Variants in YIPF7 observed in about 807,000 individuals in gnomAD.
The protein encoded by YIPF7 is Yip1 domain family member 7.
A neutral mutation model predicts 27.2 loss-of-function variants in YIPF7; 35 were observed. The observed-to-expected ratio is 1.29, with a 90% confidence interval of 0.98 to 1.70. The LOEUF is 1.70. Ranked by LOEUF, YIPF7 falls within the 40% of genes most tolerant of loss-of-function variation. The pLI is 0.00. For synonymous variants in YIPF7, 137 were observed against 110.4 expected, an observed-to-expected ratio of 1.24 and a Z score of -1.51; for missense variants, 358 against 303.7, an observed-to-expected ratio of 1.18 and a Z score of -1.33.
At chr4:44,652,146 G>A (rs1160904130), upstream of YIPF7, among the ~76,000 whole-genome samples, 1 of 152,132 alleles carries the variant, frequency 6.6e-6, no homozygotes, top group Non-Finnish European at 1.5e-5. Flanking sequence ...ATGCTAATGG[G>A]ATCTAGTGCT....
chr4:44,638,034 C>A (rs1244516633), intron 2 of YIPF7, among the ~76,000 whole-genome samples: 1 of 152,000 alleles, frequency 6.6e-6, no homozygotes, highest in Non-Finnish European at 1.5e-5. Context: ...GGGGTAAGGA[C>A]ATAAACAGAC....
upstream of YIPF7, among the ~76,000 whole-genome samples, chr4:44,654,437 C>T (rs1384279822): frequency 6.6e-6 from 1 of 151,782 alleles, no homozygotes; most frequent in African/African-American, 2.4e-5. Context: ...TTCTCGTTTT[C>T]TTTTCTCTCC....
chr4:44,637,053 C>T (rs1244240246), intron 2 of YIPF7, among the ~76,000 whole-genome samples: 1 of 152,074 alleles, frequency 6.6e-6, no homozygotes, highest in Non-Finnish European at 1.5e-5. Flanking sequence ...TTTCCATTTC[C>T]ATCTATATTG....
At chr4:44,653,379 A>C (rs1002658252), upstream of YIPF7, among the ~76,000 whole-genome samples, 3 of 152,086 alleles carry the variant, frequency 2.0e-5, no homozygotes, top group Non-Finnish European at 2.9e-5. Context: ...TTAGGAAGAG[A>C]AAGTTACAAT....
chr4:44,655,244 A>T (rs533515225), upstream of YIPF7, among the ~76,000 whole-genome samples: 2 of 152,160 alleles, frequency 1.3e-5, no homozygotes, highest in African/African-American at 4.8e-5. Flanking sequence ...ATTTTAGTTG[A>T]TGTCTATTAA....
At chr4:44,639,498 T>A (rs1713251124) in intron 2 of YIPF7, among the ~76,000 whole-genome samples, 1 of 152,318 alleles carries the variant, frequency 6.6e-6, no homozygotes, top group South Asian at 2.1e-4. Context: ...TAGACAGTTA[T>A]TGCTGTATAG....
rs1024644307 is a variant in YIPF7, at chr4:44,649,960, A to G, written c.116+25T>C. The G allele has an allele frequency of 5.0e-5, 66 of 1,320,300 alleles. No individual in the cohort carries two copies. The East Asian group carries it at 1.1e-3, about 22-fold the overall frequency. 81.8% of individuals were successfully genotyped at this position (1,320,300 alleles called of 1,614,324 possible). Reference sequence around the variant, plus strand: ...CAGAGTGAGACTCTGTCAAAAAAAAAAAAAGAAAAATATTAAGTACTTACT... The same window carrying G: ...CAGAGTGAGACTCTGTCAAAAAAAAGAAAAGAAAAATATTAAGTACTTACT... On this transcript the variant is annotated intron_variant, in intron 2 of 5. Transcript: ENST00000415895.
intron 5 of YIPF7, 111 bp from the exon 6 acceptor site, chr4:44,622,687 G>A (rs1391343193): frequency 7.5e-7 from 1 of 1,332,822 alleles, no homozygotes; most frequent in African/African-American, 1.5e-5. Flanking sequence ...TTTCCCGAGT[G>A]GTAAAATGAA....
intron 4 of YIPF7, 154 bp downstream of exon 4, chr4:44,629,249 G>T: frequency 1.1e-6 from 1 of 900,202 alleles, no homozygotes; most frequent in Non-Finnish European, 1.5e-6. Flanking sequence ...CATAATGGTA[G>T]CATATTTTTG....
chr4:44,661,353 T>C (rs2109609109), intron 1 of YIPF7, among the ~76,000 whole-genome samples: 1 of 152,220 alleles, frequency 6.6e-6, no homozygotes, highest in South Asian at 2.1e-4. Flanking sequence ...GTTTTAGAAA[T>C]ATTAACATCC....
rs568520598 is a variant in YIPF7, at chr4:44,628,738, C to T, written c.426+665G>A. Among the ~76,000 whole-genome samples the T allele has an allele frequency of 2.6e-5, 4 of 152,156 alleles. No homozygotes were observed. In the East Asian group the frequency reaches 5.8e-4, roughly 22 times the overall value. On this transcript the variant is annotated intron_variant, in intron 4 of 5. Coordinates refer to ENST00000415895, the MANE Select transcript of YIPF7 (RefSeq NM_182592.3). ...TTTAAACTTTACTTAGGTGGAAGTACATTTTTCTTTACTTTTCTAGTGACC... is the reference window on the plus strand; with the variant it reads ...TTTAAACTTTACTTAGGTGGAAGTATATTTTTCTTTACTTTTCTAGTGACC...
At chr4:44,624,512 A>G in intron 5 of YIPF7, 89 bp downstream of exon 5, 2 of 1,382,062 alleles carry the variant, frequency 1.4e-6, no homozygotes, top group Non-Finnish European at 1.9e-6. Flanking sequence ...CTACCAAAAC[A>G]ATCAGGAAGG....
chr4:44,645,790 G>A (rs1713506584), intron 2 of YIPF7, among the ~76,000 whole-genome samples: 1 of 151,862 alleles, frequency 6.6e-6, no homozygotes, highest in Non-Finnish European at 1.5e-5. Flanking sequence ...AGAAGTGACT[G>A]TAGGGCTCCT....
At position 44,622,466 on chromosome 4, in the gene YIPF7, G is replaced by C. The variant is rs750979990; in HGVS notation, c.719C>G (p.Ala240Gly). The C allele has an allele frequency of 7.4e-6, 12 of 1,613,732 alleles. No individual in the cohort carries two copies. The highest frequency in any genetic ancestry group is 7.6e-6 in the Non-Finnish European group (9 of 1,179,834). ...LHMEGQQLLV[A>G]YPCAILYGLF... ...TCCATAAAGTATGGCACAAGGGTAG[G>C]CAACAAGAAGCTGCTGTCCTTCCAT... is the stretch of plus-strand genomic sequence containing the variant. Residue 240 changes from alanine to glycine, a missense_variant, in exon 6 of 6, where the codon GCC becomes GGC. Physicochemically the swap from Ala to Gly is moderately conservative, Grantham distance 60 (BLOSUM62 0). Coordinates refer to ENST00000415895, the MANE Select transcript of YIPF7 (RefSeq NM_182592.3).
intron 2 of YIPF7, among the ~76,000 whole-genome samples, chr4:44,643,330 G>T (rs1219827997): frequency 6.6e-6 from 1 of 152,140 alleles, no homozygotes; most frequent in African/African-American, 2.4e-5. Flanking sequence ...AAATTTCTAA[G>T]CAGTAAAGCC....
At chr4:44,656,942 G>A (rs1035912225) in intron 2 of YIPF7, among the ~76,000 whole-genome samples, 6 of 152,094 alleles carry the variant, frequency 3.9e-5, no homozygotes, top group African/African-American at 9.7e-5. Context: ...CAGTAAGGAC[G>A]TATGTTTATG....
At chr4:44,627,091 G>C (rs1431585667) in intron 4 of YIPF7, among the ~76,000 whole-genome samples, 4 of 151,876 alleles carry the variant, frequency 2.6e-5, no homozygotes, top group Non-Finnish European at 5.9e-5. Flanking sequence ...CCCACATCTT[G>C]ATTTAAAATA....
intron 2 of YIPF7, among the ~76,000 whole-genome samples, chr4:44,639,954 G>GT (rs1434462614): frequency 2.6e-5 from 4 of 152,070 alleles, no homozygotes; most frequent in Admixed American, 2.0e-4. Context: ...ATAATCATAT[G>GT]TTTTTTGTCC....
intron 4 of YIPF7, among the ~76,000 whole-genome samples, chr4:44,627,142 TATTGCTTTTTCAGACCAC>T (rs1307422847): frequency 6.6e-6 from 1 of 152,094 alleles, no homozygotes; most frequent in African/African-American, 2.4e-5. Context: ...TGGCCATGCA[TATTGCTTTTTCAGACCAC>T]ACTCTTGGCC....
Sources: allele counts gnomAD v4.1 joint callset (sites outside exome capture counted in the v4.1 genomes callset), GRCh38; gene constraint gnomAD v4.1.1; transcripts MANE v1.5; gene names NCBI Gene and HGNC (gene_info 2026-07-23, HGNC 2026-07-21).